The following DTNB variants were observed in gnomAD, a reference collection of about 807,000 sequenced individuals.
The protein encoded by DTNB is DTN-B.
Under a neutral mutation model 90.7 loss-of-function variants are expected in DTNB, and 63 were observed. That is an observed-to-expected ratio of 0.69 (90% confidence interval 0.57 to 0.86). DTNB has a LOEUF of 0.86. DTNB is among the 40% of genes least tolerant of loss of function. The pLI is 0.00. For synonymous variants in DTNB, 277 were observed against 286.7 expected (o/e 0.97, Z 0.34); for missense variants, 744 against 807.1 (o/e 0.92, Z 0.95).
rs576860473 is a variant in DTNB, at chr2:25,405,599, TTTG to T, written c.1575+13913_1575+13915del. 4.7e-3 allele frequency among the ~76,000 whole-genome samples: 718 copies of T among 152,200 alleles called. 3 individuals carry two copies. Among genetic ancestry groups the T allele is most frequent in the Non-Finnish European group, 6.8e-3 (463 of 67,998 alleles). Reference sequence around the variant, plus strand: ...TTCCACCACCAGTTTTGCTTTTTGTTTTGTTGTTGTTTTTTTTTTCAACAGACC... The same window carrying T: ...TTCCACCACCAGTTTTGCTTTTTGTTTTGTTGTTTTTTTTTTCAACAGACC... On this transcript the variant is annotated intron_variant, in intron 16 of 20. Transcript: ENST00000406818.
chr2:25,652,554 C>T (rs753285031), intron 2 of DTNB, 40 bp downstream of exon 2: 2 of 1,469,172 alleles, frequency 1.4e-6, no homozygotes, highest in Non-Finnish European at 1.8e-6. Context: ...AAAAACCACA[C>T]AAACATTCCC....
intron 12 of DTNB, among the ~76,000 whole-genome samples, chr2:25,450,321 A>G (rs187308137): frequency 6.6e-5 from 10 of 152,102 alleles, no homozygotes; most frequent in African/African-American, 2.4e-4. Context: ...TTTCTGACTG[A>G]TTTGCTTCTT....
chr2:25,556,676 T>C (rs1300026941), intron 8 of DTNB, among the ~76,000 whole-genome samples: 1 of 152,038 alleles, frequency 6.6e-6, no homozygotes, highest in Non-Finnish European at 1.5e-5. Flanking sequence ...AGGTATTCAG[T>C]GTGATATAGC....
At chr2:25,602,635 A>G (rs1169280066) in intron 5 of DTNB, among the ~76,000 whole-genome samples, 1 of 152,358 alleles carries the variant, frequency 6.6e-6, no homozygotes, top group African/African-American at 2.4e-5. Flanking sequence ...AATTCTGACC[A>G]AAACAGAAAG....
At chr2:25,444,612 T>C (rs1558551616) in intron 12 of DTNB, among the ~76,000 whole-genome samples, 1 of 151,220 alleles carries the variant, frequency 6.6e-6, no homozygotes, top group Non-Finnish European at 1.5e-5. Context: ...CAACGTGAAA[T>C]GTCTTTCTTC....
chr2:25,491,158 G>GCAC (rs2067354218), intron 9 of DTNB, among the ~76,000 whole-genome samples: 2 of 150,512 alleles, frequency 1.3e-5, no homozygotes, highest in African/African-American at 4.9e-5. Flanking sequence ...CACACACACA[G>GCAC]ACACACACAC....
At chr2:25,463,967 G>A (rs544626311) in intron 10 of DTNB, among the ~76,000 whole-genome samples, 17 of 152,316 alleles carry the variant, frequency 1.1e-4, no homozygotes, top group South Asian at 6.2e-4. Flanking sequence ...GTGCAGTGGC[G>A]CAATCTCGGC....
intron 11 of DTNB, among the ~76,000 whole-genome samples, chr2:25,454,637 A>C (rs1345283182): frequency 6.6e-6 from 1 of 152,160 alleles, no homozygotes; most frequent in Non-Finnish European, 1.5e-5. Context: ...ACCTACCTGA[A>C]AGTAATACCA....
intron 8 of DTNB, among the ~76,000 whole-genome samples, chr2:25,576,342 C>T (rs908303608): frequency 5.3e-5 from 8 of 151,200 alleles, no homozygotes; most frequent in Non-Finnish European, 8.8e-5. Flanking sequence ...TCTCCTGCCT[C>T]AGCCTCCCGA....
intron 15 of DTNB, among the ~76,000 whole-genome samples, chr2:25,422,206 T>G (rs1322620357): frequency 6.6e-6 from 1 of 152,140 alleles, no homozygotes; most frequent in Non-Finnish European, 1.5e-5. Flanking sequence ...GAACTGCTTA[T>G]GTCACCTAAA....
At chr2:25,672,239 C>CAG (rs1025144692) in intron 1 of DTNB, among the ~76,000 whole-genome samples, 6 of 128,294 alleles carry the variant, frequency 4.7e-5, no homozygotes, top group Admixed American at 1.6e-4. Context: ...AAAAAAGAGG[C>CAG]AGAGAGAGAG....
In DTNB at chr2:25,441,123, C is replaced by T. The variant is rs148823102; in HGVS notation, c.1258-7128G>A. On this transcript the variant is annotated intron_variant, in intron 12 of 20. Coordinates refer to ENST00000406818, the MANE Select transcript of DTNB (RefSeq NM_021907.5). ...CCTTTCATCCTTACAATGAAACCAC[C>T]TGTGTAACAACCCGATTCTTTGAAC... Among the ~76,000 whole-genome samples the T allele has an allele frequency of 2.7e-4, 41 of 152,316 alleles. 3 individuals are homozygous for T. The East Asian group carries it at 7.9e-3, about 29-fold the overall frequency.
chr2:25,635,735 G>T (rs2076987866), intron 3 of DTNB, among the ~76,000 whole-genome samples: 1 of 152,190 alleles, frequency 6.6e-6, no homozygotes. Flanking sequence ...GTAGAAATTG[G>T]CAAGCAGATT....
chr2:25,571,300 T>G (rs2059829898), intron 8 of DTNB, among the ~76,000 whole-genome samples: 1 of 152,238 alleles, frequency 6.6e-6, no homozygotes, highest in Non-Finnish European at 1.5e-5. Flanking sequence ...TACTGTCTAC[T>G]CTTTACATGG....
chr2:25,513,169 T>C (rs1326469230), intron 9 of DTNB, among the ~76,000 whole-genome samples: 1 of 152,240 alleles, frequency 6.6e-6, no homozygotes, highest in Non-Finnish European at 1.5e-5. Flanking sequence ...ATTCAAATTA[T>C]TCTAAATTGC....
intron 6 of DTNB, among the ~76,000 whole-genome samples, chr2:25,583,652 G>A (rs2061904643): frequency 6.6e-6 from 1 of 151,940 alleles, no homozygotes; most frequent in African/African-American, 2.4e-5. Flanking sequence ...CTCCCGAGTA[G>A]CTGGGATTAC....
chr2:25,662,314 T>C (rs1376277153), intron 1 of DTNB, among the ~76,000 whole-genome samples: 3 of 152,144 alleles, frequency 2.0e-5, no homozygotes, highest in East Asian at 1.9e-4. Context: ...AACAGAAGCA[T>C]GGGAAAATAA....
chr2:25,464,411 G>A (rs956834171), intron 10 of DTNB, among the ~76,000 whole-genome samples: 1 of 152,214 alleles, frequency 6.6e-6, no homozygotes, highest in African/African-American at 2.4e-5. Context: ...ACTAGCCAGA[G>A]TTGGAACAAT....
rs2059839246 is a variant in DTNB at position 25,571,378 on chromosome 2, ACTC to A, written c.876+5457_876+5459del. ...TTCTTCTATTCAAAACCCTATAAAG[ACTC>A]CTCATTTCACTCAGAGTAAAAGTCC... is the stretch of plus-strand genomic sequence containing the variant. On this transcript the variant is annotated intron_variant, in intron 8 of 20. Coordinates refer to ENST00000406818, the MANE Select transcript of DTNB (RefSeq NM_021907.5). Among the ~76,000 whole-genome samples, 4 of 151,814 alleles carry A rather than the reference ACTC, an allele frequency of 2.6e-5. No homozygotes were observed. The South Asian group carries it at 8.3e-4, about 32-fold the overall frequency.
Sources: allele counts gnomAD v4.1 joint callset (sites outside exome capture counted in the v4.1 genomes callset), GRCh38; gene constraint gnomAD v4.1.1; transcripts MANE v1.5; gene names NCBI Gene and HGNC (gene_info 2026-07-23, HGNC 2026-07-21).